TMCO4: variants seen among roughly 807,000 people sequenced by gnomAD.
The protein encoded by TMCO4 is transmembrane and coiled-coil domain-containing protein 4.
Under a neutral mutation model 64.7 loss-of-function variants are expected in TMCO4, and 58 were observed. The observed-to-expected ratio is 0.90, with a 90% CI of 0.73 to 1.12. The LOEUF (loss-of-function observed/expected upper bound fraction) is 1.12. TMCO4 is among the 50% of genes most tolerant of loss of function. The pLI is 0.00. For missense variants in TMCO4, 780 were observed against 825.9 expected (o/e 0.94, Z 0.68); for synonymous variants, 325 against 346.1 (o/e 0.94, Z 0.68).
chr1:19,740,977 C>T, intron 10 of TMCO4, 36 bp from the exon 11 acceptor site: 2 of 1,560,410 alleles, frequency 1.3e-6, no homozygotes, highest in Non-Finnish European at 8.7e-7. Flanking sequence ...TCTCTCTTGT[C>T]TATGGCAGAG....
intron 6 of TMCO4, among the ~76,000 whole-genome samples, chr1:19,756,205 T>C (rs1164286063): frequency 1.3e-5 from 2 of 152,170 alleles, no homozygotes; most frequent in Non-Finnish European, 2.9e-5. Context: ...GCCGTGATCA[T>C]GTCACTGCAC....
Position 19,713,721 on chromosome 1 carries a change from AC to A in TMCO4, c.1265-12837del, listed in dbSNP as rs1465799977. On this transcript the variant is annotated intron_variant, in intron 13 of 15. Transcript: ENST00000294543. ...CTCTAAAAATATATCAACAACAACA[AC>A]AACAACAACAAAAACAAAAAAAACA... 2.0e-5 allele frequency among the ~76,000 whole-genome samples: 3 copies of A among 150,838 alleles called. No individual in the cohort carries two copies. In the East Asian group the frequency reaches 7.1e-4, roughly 36 times the overall value.
At chr1:19,702,837 G>A (rs2095281832) in intron 13 of TMCO4, among the ~76,000 whole-genome samples, 1 of 152,206 alleles carries the variant, frequency 6.6e-6, no homozygotes, top group Non-Finnish European at 1.5e-5. Context: ...AAGCCAACAT[G>A]TCTTTTAAAA....
intron 14 of TMCO4, among the ~76,000 whole-genome samples, chr1:19,698,201 G>C (rs1481617148): frequency 6.6e-6 from 1 of 152,218 alleles, no homozygotes; most frequent in Non-Finnish European, 1.5e-5. Context: ...CCTGTGGGCA[G>C]GGGTCCTCCC....
At chr1:19,772,502 G>T (rs939441105) in intron 4 of TMCO4, among the ~76,000 whole-genome samples, 7 of 152,150 alleles carry the variant, frequency 4.6e-5, no homozygotes, top group Admixed American at 6.5e-5. Flanking sequence ...GAGGTGGGGA[G>T]CCCAGAGCAT....
chr1:19,754,548 C>G (rs1489165405), intron 7 of TMCO4, among the ~76,000 whole-genome samples: 1 of 152,130 alleles, frequency 6.6e-6, no homozygotes. Context: ...CCTCGGGTAA[C>G]CTGGCTGGTC....
chr1:19,755,574 T>G, intron 7 of TMCO4, 60 bp downstream of exon 7: 1 of 1,603,422 alleles, frequency 6.2e-7, no homozygotes, highest in Non-Finnish European at 8.5e-7. Context: ...CTCTGTTATC[T>G]GCAAAGTACA....
rs1295678315 is a variant in TMCO4, at chr1:19,732,565, T to C, written c.1264+4807A>G. ...GAGGCAGGGATGGGATGTTATGAAA[T>C]AAGGAGGGAAACTATCAGGCTGATT... On this transcript the variant is annotated intron_variant, in intron 13 of 15. Transcript: ENST00000294543. This position sits in a 1 kb window ranked among gnomAD's most constrained non-coding sequence, Gnocchi z 4.8. 2.6e-5 allele frequency among the ~76,000 whole-genome samples: 4 copies of C among 151,886 alleles called. No individual in the cohort carries two copies. Among genetic ancestry groups the C allele is most frequent in the African/African-American group, 7.3e-5 (3 of 41,332 alleles).
rs1421278773 is a variant in TMCO4 at position 19,732,434 on chromosome 1, G to A, written c.1264+4938C>T. ...TCCCACCTCAGCCTCCCAAAGTGTT[G>A]GGATTACAGGCATGAGCCACTGGAC... On this transcript the variant is annotated intron_variant, in intron 13 of 15. Transcript: ENST00000294543. The surrounding 1 kb of genome is among the most constrained non-coding windows in gnomAD (Gnocchi z 4.8). Among the ~76,000 whole-genome samples, 2 of 152,080 alleles carry A rather than the reference G, an allele frequency of 1.3e-5. No homozygotes were observed. Among genetic ancestry groups the A allele is most frequent in the Non-Finnish European group, 2.9e-5 (2 of 68,020 alleles).
chr1:19,796,162 C>T (rs558089941), intron 2 of TMCO4, among the ~76,000 whole-genome samples: 1 of 152,334 alleles, frequency 6.6e-6, no homozygotes, highest in Admixed American at 6.5e-5. Context: ...AAGAGACAAT[C>T]GCTGTCCCCA....
chr1:19,769,743 G>A (rs2042897319), intron 6 of TMCO4, among the ~76,000 whole-genome samples: 1 of 152,052 alleles, frequency 6.6e-6, no homozygotes, highest in Non-Finnish European at 1.5e-5. Flanking sequence ...TGTGGGGGTG[G>A]GGAGGAGCTC....
At chr1:19,756,409 T>G (rs762750995) in intron 6 of TMCO4, among the ~76,000 whole-genome samples, 15 of 152,054 alleles carry the variant, frequency 9.9e-5, no homozygotes, top group Non-Finnish European at 2.1e-4. Context: ...AACTGGACAA[T>G]AAGTATCAAC....
intron 13 of TMCO4, among the ~76,000 whole-genome samples, chr1:19,729,690 G>A (rs1452559378): frequency 6.6e-6 from 1 of 151,936 alleles, no homozygotes; most frequent in African/African-American, 2.4e-5. Flanking sequence ...TGCTTGAACC[G>A]GGAGGTGGAG....
At chr1:19,759,125 A>T (rs1570928006) in intron 6 of TMCO4, among the ~76,000 whole-genome samples, 1 of 151,294 alleles carries the variant, frequency 6.6e-6, no homozygotes, top group East Asian at 1.9e-4. Flanking sequence ...AAAAAAAAAA[A>T]AAAAGTGCTC....
intron 3 of TMCO4, among the ~76,000 whole-genome samples, chr1:19,785,917 G>T (rs780275024): frequency 6.6e-6 from 1 of 152,188 alleles, no homozygotes; most frequent in Non-Finnish European, 1.5e-5. Flanking sequence ...GCTGGGTGGA[G>T]AGGTATTCCT....
At chr1:19,731,852 C>A (rs986969847) in intron 13 of TMCO4, among the ~76,000 whole-genome samples, 1 of 152,212 alleles carries the variant, frequency 6.6e-6, no homozygotes. Flanking sequence ...GGATCAGGAC[C>A]TTTCTGTTCC....
In TMCO4 at chr1:19,748,856, G is replaced by A. The variant is rs2041908882; in HGVS notation, c.516-1596C>T. Reference sequence around the variant, plus strand: ...TGAGTGAATGAATGAATGAATGAATGAAATAAAATACATAAGTAAACAAAA... The same window carrying A: ...TGAGTGAATGAATGAATGAATGAATAAAATAAAATACATAAGTAAACAAAA... On this transcript the variant is annotated intron_variant, in intron 7 of 15. Coordinates refer to ENST00000294543, the MANE Select transcript of TMCO4 (RefSeq NM_181719.7). 2.0e-5 allele frequency among the ~76,000 whole-genome samples: 3 copies of A among 152,190 alleles called. No homozygotes were observed. In the South Asian group the frequency reaches 6.2e-4, roughly 32 times the overall value.
chr1:19,752,193 C>T (rs1463359181), intron 7 of TMCO4, among the ~76,000 whole-genome samples: 1 of 152,188 alleles, frequency 6.6e-6, no homozygotes, highest in Non-Finnish European at 1.5e-5. Context: ...CTCTGAGTCA[C>T]ATTTACAATG....
At chr1:19,685,218 A>G (rs1165830021) in intron 15 of TMCO4, among the ~76,000 whole-genome samples, 2 of 152,164 alleles carry the variant, frequency 1.3e-5, no homozygotes, top group Non-Finnish European at 1.5e-5. Flanking sequence ...TCCAGTGACT[A>G]TGTAGGCTGG....
Sources: allele counts gnomAD v4.1 joint callset (sites outside exome capture counted in the v4.1 genomes callset), GRCh38; gene constraint gnomAD v4.1.1; non-coding constraint Gnocchi (gnomAD v3.1); transcripts MANE v1.5; gene names NCBI Gene and HGNC (gene_info 2026-07-23, HGNC 2026-07-21).